PRKG1: variants seen among roughly 807,000 people sequenced by gnomAD.
PRKG1 encodes the protein protein kinase cGMP-dependent 1.
A neutral mutation model predicts 88.1 loss-of-function variants in PRKG1; 35 were observed. That is an observed-to-expected ratio of 0.40 (90% CI 0.30 to 0.53). PRKG1 has a LOEUF of 0.53. Among genes scored for constraint, PRKG1 ranks in the 20% least tolerant of loss-of-function variants. PRKG1 has a pLI of 0.59. For synonymous variants in PRKG1, 303 were observed against 292.5 expected (o/e 1.04, Z -0.37); for missense variants, 540 against 839.8 (o/e 0.64, Z 4.41).
chr10:52,025,427 C>G (rs1285416487), intron 5 of PRKG1, among the ~76,000 whole-genome samples: 1 of 152,012 alleles, frequency 6.6e-6, no homozygotes, highest in East Asian at 1.9e-4. Flanking sequence ...ATGGTATTGC[C>G]TTGGTTTTCT....
chr10:51,754,831 T>A (rs1837815948), intron 3 of PRKG1, among the ~76,000 whole-genome samples: 1 of 152,176 alleles, frequency 6.6e-6, no homozygotes, highest in Non-Finnish European at 1.5e-5. Flanking sequence ...AAACAAGGGC[T>A]AGTTTAGGTC....
At chr10:51,626,169 C>G (rs1276429984) in intron 3 of PRKG1, among the ~76,000 whole-genome samples, 1 of 152,132 alleles carries the variant, frequency 6.6e-6, no homozygotes, top group African/African-American at 2.4e-5. Context: ...GTGGGAATGA[C>G]TGGGTAACCA....
At chr10:51,840,183 G>A (rs928397193) in intron 4 of PRKG1, among the ~76,000 whole-genome samples, 3 of 152,146 alleles carry the variant, frequency 2.0e-5, no homozygotes, top group African/African-American at 7.2e-5. Flanking sequence ...GTACATAAAT[G>A]AGAAGCCTGC....
chr10:51,686,435 G>A (rs1449226623), intron 3 of PRKG1, among the ~76,000 whole-genome samples: 1 of 152,156 alleles, frequency 6.6e-6, no homozygotes, highest in Admixed American at 6.5e-5. Context: ...TAGGATAATG[G>A]AGCTTTGGCC....
At chr10:51,813,893 C>G (rs1162717987) in intron 4 of PRKG1, among the ~76,000 whole-genome samples, 1 of 152,094 alleles carries the variant, frequency 6.6e-6, no homozygotes, top group Non-Finnish European at 1.5e-5. Flanking sequence ...CAAAAAAATG[C>G]TCAGTAATAG....
chr10:52,293,364 C>T (rs1199634836), intron 17 of PRKG1, among the ~76,000 whole-genome samples: 1 of 151,150 alleles, frequency 6.6e-6, no homozygotes, highest in Non-Finnish European at 1.5e-5. Flanking sequence ...TCAATGCCAT[C>T]CCCATCAAGC....
At chr10:51,571,634 G>C (rs1333063336) in intron 3 of PRKG1, among the ~76,000 whole-genome samples, 1 of 151,844 alleles carries the variant, frequency 6.6e-6, no homozygotes, top group Non-Finnish European at 1.5e-5. Context: ...TGCTGAAAAT[G>C]AGAGAATATC....
rs571018893 is a variant in PRKG1 at position 51,597,371 on chromosome 10, G to A, written c.592+129535G>A. Among the ~76,000 whole-genome samples the A allele has an allele frequency of 3.3e-5, 5 of 152,166 alleles. No homozygotes were observed. In the East Asian group the frequency reaches 9.7e-4, roughly 29 times the overall value. On this transcript the variant is annotated intron_variant, in intron 3 of 17. Coordinates refer to ENST00000373980, the MANE Select transcript of PRKG1 (RefSeq NM_006258.4). ...CACATGAGACTCTAACATTACCCCT[G>A]ACAACTGTATGTGGCTACTCTAGTT...
At chr10:51,946,933 C>T (rs1327056468) in intron 5 of PRKG1, among the ~76,000 whole-genome samples, 4 of 152,110 alleles carry the variant, frequency 2.6e-5, no homozygotes, top group Non-Finnish European at 4.4e-5. Flanking sequence ...CCTGAGGAGG[C>T]AGTCTGCCTG....
intron 5 of PRKG1, among the ~76,000 whole-genome samples, chr10:52,045,188 T>C (rs1845833502): frequency 6.6e-6 from 1 of 152,014 alleles, no homozygotes; most frequent in African/African-American, 2.4e-5. Flanking sequence ...CTTTGGGATC[T>C]GACCATACAT....
At chr10:51,589,259 G>A (rs1838248656) in intron 3 of PRKG1, among the ~76,000 whole-genome samples, 1 of 152,272 alleles carries the variant, frequency 6.6e-6, no homozygotes, top group South Asian at 2.1e-4. Flanking sequence ...AACCTGCCAT[G>A]TGTGTAAGGT....
intron 4 of PRKG1, among the ~76,000 whole-genome samples, chr10:51,850,593 T>C (rs901215295): frequency 6.6e-6 from 1 of 152,014 alleles, no homozygotes; most frequent in East Asian, 1.9e-4. Flanking sequence ...AACATTTGCA[T>C]TACATATCAT....
chr10:52,235,082 G>A (rs1474745750), intron 9 of PRKG1, among the ~76,000 whole-genome samples: 1 of 91,688 alleles, frequency 1.1e-5, no homozygotes, highest in Non-Finnish European at 2.0e-5. Flanking sequence ...ATAAGTGAAG[G>A]AGAAATAAAA....
chr10:51,217,934 C>G (rs1048029175), intron 2 of PRKG1, among the ~76,000 whole-genome samples: 1 of 152,108 alleles, frequency 6.6e-6, no homozygotes, highest in Non-Finnish European at 1.5e-5. Flanking sequence ...TCAGTTCCCT[C>G]CTTCATCTGA....
intron 3 of PRKG1, among the ~76,000 whole-genome samples, chr10:51,583,256 A>T (rs1838088504): frequency 6.6e-6 from 1 of 152,150 alleles, no homozygotes. Context: ...GATGATGTTT[A>T]TTAAAATTCT....
Position 52,082,208 on chromosome 10 carries a change from C to A in PRKG1, c.935+19577C>A, listed in dbSNP as rs532553875. Among the ~76,000 whole-genome samples, 34 of 152,180 alleles carry A rather than the reference C, an allele frequency of 2.2e-4. No homozygotes were observed. The South Asian group carries it at 5.6e-3, about 25-fold the overall frequency. Reference sequence around the variant, plus strand: ...AGAACAGCAGCACAGGGTAACCACCCCCATGATTAAATTACCTCCCATTGG... The same window carrying A: ...AGAACAGCAGCACAGGGTAACCACCACCATGATTAAATTACCTCCCATTGG... On this transcript the variant is annotated intron_variant, in intron 7 of 17. Transcript: ENST00000373980.
chr10:52,182,707 CTTGT>C (rs1345649895), intron 9 of PRKG1, among the ~76,000 whole-genome samples: 1 of 146,776 alleles, frequency 6.8e-6, no homozygotes, highest in Non-Finnish European at 1.5e-5. Flanking sequence ...TTCCCCATTG[CTTGT>C]TTTTCTCAGG....
At chr10:52,104,192 A>G (rs1007190909) in intron 7 of PRKG1, among the ~76,000 whole-genome samples, 8 of 151,844 alleles carry the variant, frequency 5.3e-5, no homozygotes, top group African/African-American at 1.9e-4. Context: ...TTATGTACAT[A>G]GGAATACATT....
rs567232160 is a variant in PRKG1 at position 52,164,004 on chromosome 10, T to C, written c.1076+2041T>C. ...AATCTCAGTTTTCACATTTTTAAAA[T>C]GGCGTTTTTGAGATTTAATTGATGG... is the stretch of plus-strand genomic sequence containing the variant. On this transcript the variant is annotated intron_variant, in intron 9 of 17. Transcript: ENST00000373980. Among the ~76,000 whole-genome samples the C allele has an allele frequency of 2.0e-5, 3 of 152,272 alleles. No individual in the cohort carries two copies. In the Middle Eastern group the frequency reaches 0.01, roughly 518 times the overall value.
Sources: gnomAD v4.1 joint callset for allele counts (sites outside exome capture counted in the v4.1 genomes callset) on GRCh38, gnomAD v4.1.1 for gene constraint, MANE v1.5 for transcripts, NCBI Gene and HGNC (gene_info 2026-07-23, HGNC 2026-07-21) for gene names.